The following FBXO11 variants were observed in gnomAD, a reference collection of about 807,000 sequenced individuals.
FBXO11 encodes F-box only protein 11.
A neutral mutation model predicts 117.0 loss-of-function variants in FBXO11; 13 were observed. The ratio of observed to expected loss-of-function variants is 0.11; its 90% confidence interval spans 0.07 to 0.18. FBXO11 has a LOEUF of 0.18. Ranked by LOEUF, FBXO11 falls within the 10% of genes least tolerant of loss-of-function variation. FBXO11 has a pLI of 1.00. For missense variants in FBXO11, 767 were observed against 1,164.4 expected (o/e 0.66, Z 4.97); for synonymous variants, 490 against 380.5 (o/e 1.29, Z -3.35).
intron 7 of FBXO11, among the ~76,000 whole-genome samples, 163 bp from the exon 8 acceptor site, chr2:47,833,233 CATGCACAGTATTACTTCT>C (rs1672314296): frequency 6.6e-6 from 1 of 152,178 alleles, no homozygotes; most frequent in African/African-American, 2.4e-5. Context: ...TATTCAAATC[CATGCACAGTATTACTTCT>C]AATAACATTT....
chr2:47,851,271 G>A (rs887247029), intron 1 of FBXO11, among the ~76,000 whole-genome samples: 3 of 152,136 alleles, frequency 2.0e-5, no homozygotes, highest in Non-Finnish European at 4.4e-5. Flanking sequence ...CTGTTGCACA[G>A]GCTGGAGTGC....
At chr2:47,834,900 T>C (rs754703217) in intron 5 of FBXO11, 29 bp from the exon 6 acceptor site, 18 of 1,488,794 alleles carry the variant, frequency 1.2e-5, no homozygotes, top group African/African-American at 7.0e-5. Flanking sequence ...AACAAAACCA[T>C]TGACTACTAA....
intron 11 of FBXO11, among the ~76,000 whole-genome samples, chr2:47,831,943 T>C (rs911723163): frequency 1.3e-5 from 2 of 152,208 alleles, no homozygotes; most frequent in Non-Finnish European, 2.9e-5. Flanking sequence ...CTCTACAAAC[T>C]GTGTTAGATT....
rs1016713957 is a variant in FBXO11, at chr2:47,890,203, A to G, written c.232+15286T>C. ...GCTGGTCTTGCACTCTTGGTCTTAAAGGATCCTCTCACCTCATCCTTCCAA... is the reference window on the plus strand; with the variant it reads ...GCTGGTCTTGCACTCTTGGTCTTAAGGGATCCTCTCACCTCATCCTTCCAA... On this transcript the variant is annotated intron_variant, in intron 1 of 22. Coordinates refer to ENST00000403359, the MANE Select transcript of FBXO11 (RefSeq NM_001190274.2). Among the ~76,000 whole-genome samples the G allele has an allele frequency of 2.6e-5, 4 of 152,204 alleles. No homozygotes were observed. The South Asian group carries it at 8.3e-4, about 32-fold the overall frequency.
intron 1 of FBXO11, among the ~76,000 whole-genome samples, chr2:47,885,883 C>A (rs181996870): frequency 3.3e-5 from 5 of 152,324 alleles, no homozygotes; most frequent in Non-Finnish European, 5.9e-5. Context: ...TGTGGATACT[C>A]ATTCCTCAAG....
chr2:47,823,398 A>G, intron 11 of FBXO11, 38 bp from the exon 12 acceptor site: 3 of 1,431,158 alleles, frequency 2.1e-6, no homozygotes, highest in Non-Finnish European at 2.8e-6. Flanking sequence ...GGTAAAGCCT[A>G]CTTTACAAAA....
chr2:47,875,228 G>C (rs1049071000), intron 1 of FBXO11, among the ~76,000 whole-genome samples: 2 of 151,962 alleles, frequency 1.3e-5, no homozygotes, highest in Non-Finnish European at 1.5e-5. Context: ...CCTTAAAAGT[G>C]TGATGAGGAA....
At chr2:47,846,238 C>A (rs764293682) in intron 1 of FBXO11, among the ~76,000 whole-genome samples, 1 of 152,012 alleles carries the variant, frequency 6.6e-6, no homozygotes, top group African/African-American at 2.4e-5. Flanking sequence ...GAGGCCCAGG[C>A]GGGCAGATCA....
intron 13 of FBXO11, among the ~76,000 whole-genome samples, chr2:47,820,731 C>G (rs1671318714): frequency 6.6e-6 from 1 of 152,180 alleles, no homozygotes; most frequent in Non-Finnish European, 1.5e-5. Context: ...CTTTGTGCCT[C>G]TGTATACTGA....
At chr2:47,900,809 C>T (rs1397598687) in intron 1 of FBXO11, among the ~76,000 whole-genome samples, 10 of 79,574 alleles carry the variant, frequency 1.3e-4, no homozygotes, top group African/African-American at 4.5e-4. Context: ...TACACGTATA[C>T]ACACACGTGT....
chr2:47,827,013 A>G (rs1004374769), intron 11 of FBXO11, among the ~76,000 whole-genome samples: 1 of 152,234 alleles, frequency 6.6e-6, no homozygotes, highest in Non-Finnish European at 1.5e-5. Context: ...GCATGCAGTC[A>G]TTTACCACAT....
chr2:47,859,919 T>C (rs1674620385), intron 1 of FBXO11, among the ~76,000 whole-genome samples: 1 of 152,222 alleles, frequency 6.6e-6, no homozygotes, highest in East Asian at 1.9e-4. Context: ...TTATCCTAAA[T>C]GCTTAGTTTG....
chr2:47,874,883 T>TTC (rs1675886771), intron 1 of FBXO11, among the ~76,000 whole-genome samples: 1 of 151,740 alleles, frequency 6.6e-6, no homozygotes, highest in Non-Finnish European at 1.5e-5. Flanking sequence ...TTTTTTTTTT[T>TTC]TTTTAAAGCA....
At chr2:47,852,019 T>G (rs1673903206) in intron 1 of FBXO11, among the ~76,000 whole-genome samples, 1 of 146,358 alleles carries the variant, frequency 6.8e-6, no homozygotes, top group African/African-American at 2.5e-5. Context: ...TGAGGCTGAG[T>G]CTTGCTCTGT....
In FBXO11 at chr2:47,866,863, T is replaced by C. The variant is rs185948519; in HGVS notation, c.233-27094A>G. ...AAACATACTTTGATAACAGCCAGGA[T>C]TCTCCATGATGAGCCTTGATCATCT... is the stretch of plus-strand genomic sequence containing the variant. On this transcript the variant is annotated intron_variant, in intron 1 of 22. Coordinates refer to ENST00000403359, the MANE Select transcript of FBXO11 (RefSeq NM_001190274.2). 5.9e-5 allele frequency among the ~76,000 whole-genome samples: 9 copies of C among 152,300 alleles called. No homozygotes were observed. The East Asian group carries it at 1.7e-3, about 29-fold the overall frequency.
rs1166554323 is a variant in FBXO11, at chr2:47,900,587, T to TACGTATATACACACGTATACAC, written c.232+4880_232+4901dup. Among the ~76,000 whole-genome samples the TACGTATATACACACGTATACAC allele has an allele frequency of 3.5e-5, 5 of 144,346 alleles. 1 individual carries two copies. Among genetic ancestry groups the TACGTATATACACACGTATACAC allele is most frequent in the South Asian group, 2.2e-4 (1 of 4,608 alleles). The allele number at this position is 144,346 out of a possible 152,430, so 94.7% of individuals were successfully genotyped here. On this transcript the variant is annotated intron_variant, in intron 1 of 22. Transcript: ENST00000403359. ...ATATACACACGTATACACACATATA[T>TACGTATATACACACGTATACAC]ACGTATATACACACGTATACACACG...
chr2:47,888,540 C>T (rs911168476), intron 1 of FBXO11: 3 of 215,894 alleles, frequency 1.4e-5, no homozygotes, highest in African/African-American at 2.4e-5. Flanking sequence ...CTTTAGCTAT[C>T]TTCTGAGTAT....
At chr2:47,812,124 G>T (rs953212289) in intron 18 of FBXO11, among the ~76,000 whole-genome samples, 1 of 152,082 alleles carries the variant, frequency 6.6e-6, no homozygotes, top group Non-Finnish European at 1.5e-5. Flanking sequence ...TCATGATTTG[G>T]GCCTTGCCCC....
At chr2:47,898,614 G>C (rs1186666868) in intron 1 of FBXO11, among the ~76,000 whole-genome samples, 2 of 152,162 alleles carry the variant, frequency 1.3e-5, no homozygotes, top group Non-Finnish European at 2.9e-5. Context: ...TGGTCAATCA[G>C]TAGAGTCTCA....
Sources: gnomAD v4.1 joint callset for allele counts (sites outside exome capture counted in the v4.1 genomes callset) on GRCh38, gnomAD v4.1.1 for gene constraint, MANE v1.5 for transcripts, NCBI Gene and HGNC (gene_info 2026-07-23, HGNC 2026-07-21) for gene names.